DEAF1: variants seen among roughly 807,000 people sequenced by gnomAD.
DEAF1 encodes the protein deformed epidermal autoregulatory factor 1 homolog.
A neutral mutation model predicts 58.9 loss-of-function variants in DEAF1; 53 were observed. The ratio of observed to expected loss-of-function variants is 0.90; its 90% confidence interval spans 0.72 to 1.13. The LOEUF is 1.13. Among genes scored for constraint, DEAF1 ranks in the 50% most tolerant of loss-of-function variants. The pLI is 0.00. For missense variants in DEAF1, 685 were observed against 791.4 expected, an observed-to-expected ratio of 0.87 and a Z score of 1.61; for synonymous variants, 385 against 340.4, an observed-to-expected ratio of 1.13 and a Z score of -1.44.
At chr11:669,224 T>C (rs1363641404) in intron 10 of DEAF1, among the ~76,000 whole-genome samples, 1 of 150,652 alleles carries the variant, frequency 6.6e-6, no homozygotes, top group Non-Finnish European at 1.5e-5. Flanking sequence ...AGTGCTGGGA[T>C]TACAGGTGTG....
intron 5 of DEAF1, 95 bp downstream of exon 5, chr11:686,763 G>A: frequency 1.3e-6 from 2 of 1,554,504 alleles, no homozygotes; most frequent in Admixed American, 3.5e-5. Context: ...CCATTTGTCT[G>A]ACCCCGTGGT....
intron 10 of DEAF1, among the ~76,000 whole-genome samples, chr11:656,491 G>T (rs1859061470): frequency 6.6e-6 from 1 of 152,242 alleles, no homozygotes; most frequent in African/African-American, 2.4e-5. Context: ...TGTAACCACA[G>T]AGAAGCTTCT....
intron 6 of DEAF1, among the ~76,000 whole-genome samples, chr11:682,430 T>C (rs971791761): frequency 1.3e-5 from 2 of 152,264 alleles, no homozygotes; most frequent in Non-Finnish European, 2.9e-5. Flanking sequence ...ATGGAACTGC[T>C]GGCCTCCTCT....
In DEAF1 at chr11:688,098, C is replaced by T. The variant is rs750483319; in HGVS notation, c.518-41G>A. 48 of 1,612,690 alleles carry T rather than the reference C, an allele frequency of 3.0e-5. No homozygotes were observed. Among genetic ancestry groups the T allele is most frequent in the African/African-American group, 1.1e-4 (8 of 75,004 alleles). ...TGTTTGAAGGTGAGAGGCCGGACACCGGGAAGCATAGTACACTCTCATCTC... is the reference window on the plus strand; with the variant it reads ...TGTTTGAAGGTGAGAGGCCGGACACTGGGAAGCATAGTACACTCTCATCTC... On this transcript the variant is annotated intron_variant, in intron 3 of 11. Coordinates refer to ENST00000382409, the MANE Select transcript of DEAF1 (RefSeq NM_021008.4). This position sits in a 1 kb window ranked among gnomAD's most constrained non-coding sequence, Gnocchi z 4.3.
In DEAF1 at chr11:644,541, G is replaced by C; in HGVS notation, c.*9C>G. On this transcript the variant is annotated 3_prime_UTR_variant, in exon 12 of 12. Coordinates refer to ENST00000382409, the MANE Select transcript of DEAF1 (RefSeq NM_021008.4). The surrounding 1 kb of genome is among the most constrained non-coding windows in gnomAD (Gnocchi z 4.3). Reference sequence around the variant, plus strand: ...AGGGGCCCCAGCTCCCAGGGCGGCCGATGGAGCCTCACACGGTCACCTTCT... The same window carrying C: ...AGGGGCCCCAGCTCCCAGGGCGGCCCATGGAGCCTCACACGGTCACCTTCT... 1.2e-6 allele frequency: 2 copies of C among 1,610,474 alleles called. No homozygotes were observed. Among genetic ancestry groups the C allele is most frequent in the East Asian group, 2.2e-5 (1 of 44,830 alleles).
rs377159785 is a variant in DEAF1, at chr11:662,731, T to A, written c.1504-8680A>T. ...TCATCTCACCAGAACACAACGGCCTTGCTCCTGCCTGGGTGCTGTACCATG... is the reference window on the plus strand; with the variant it reads ...TCATCTCACCAGAACACAACGGCCTAGCTCCTGCCTGGGTGCTGTACCATG... On this transcript the variant is annotated intron_variant, in intron 10 of 11. Coordinates refer to ENST00000382409, the MANE Select transcript of DEAF1 (RefSeq NM_021008.4). 5.9e-5 allele frequency among the ~76,000 whole-genome samples: 9 copies of A among 152,318 alleles called. No individual in the cohort carries two copies. In the East Asian group the frequency reaches 1.5e-3, roughly 26 times the overall value.
chr11:654,800 C>T (rs1414140699), intron 10 of DEAF1: 2 of 373,586 alleles, frequency 5.4e-6, no homozygotes, highest in South Asian at 1.9e-5. Flanking sequence ...ACCCAGGAGG[C>T]GGAGGTTGCA....
At chr11:645,056 G>T (rs547272066) in intron 11 of DEAF1, among the ~76,000 whole-genome samples, 1 of 151,566 alleles carries the variant, frequency 6.6e-6, no homozygotes, top group Non-Finnish European at 1.5e-5. Flanking sequence ...CCAGCTACTC[G>T]GGAAGCTGAG....
chr11:700,591 T>A, intron 1 of DEAF1: 1 of 1,602,706 alleles, frequency 6.2e-7, no homozygotes, highest in East Asian at 2.2e-5. Flanking sequence ...TTACTTATGT[T>A]CCGTCCGCGC....
chr11:656,748 G>C (rs1438543815), intron 10 of DEAF1, among the ~76,000 whole-genome samples: 1 of 152,240 alleles, frequency 6.6e-6, no homozygotes, highest in Admixed American at 6.5e-5. Flanking sequence ...CATAGTTCCT[G>C]GAGGACAGCA....
intron 6 of DEAF1, among the ~76,000 whole-genome samples, chr11:683,510 G>C (rs193248932): frequency 2.0e-5 from 3 of 152,062 alleles, no homozygotes; most frequent in Admixed American, 6.6e-5. Context: ...TCACGAGCCC[G>C]TAAGTCTTAA....
chr11:687,966 C>A lies in DEAF1; in HGVS notation c.609G>T (p.Leu203=), dbSNP rs1206906872. The A allele has an allele frequency of 1.9e-6, 3 of 1,613,998 alleles. No homozygotes were observed. Among genetic ancestry groups the A allele is most frequent in the African/African-American group, 2.7e-5 (2 of 74,918 alleles). ...CGCTGATGTTCCGGCACCGTACGGGCAGCTCACTGTCGTACACAGAAGGGT... is the reference window on the plus strand; with the variant it reads ...CGCTGATGTTCCGGCACCGTACGGGAAGCTCACTGTCGTACACAGAAGGGT... ...NWDPSVYDSE[L]PVRCRNISGT... is the part of the protein sequence containing the mutation. Residue 203 remains leucine, a synonymous_variant, in exon 4 of 12, where the codon CTG becomes CTT. Transcript: ENST00000382409.
intron 1 of DEAF1, chr11:701,222 C>T (rs1234413577): frequency 5.8e-6 from 1 of 172,996 alleles, no homozygotes; most frequent in African/African-American, 2.4e-5. Context: ...CTCTGTTGCC[C>T]AGGCTGGAGT....
At chr11:678,327 C>T (rs1005536203) in intron 9 of DEAF1, 5 of 279,904 alleles carry the variant, frequency 1.8e-5, no homozygotes, top group East Asian at 1.8e-4. Flanking sequence ...CACCAGATAC[C>T]GAATGTCTAT....
At chr11:654,160 ACCCC>A (rs56079259) in intron 10 of DEAF1, 109 bp from the exon 11 acceptor site, 6 of 558,376 alleles carry the variant, frequency 1.1e-5, no homozygotes, top group East Asian at 3.6e-5. Flanking sequence ...CCCCCATTGG[ACCCC>A]CTTTTTTTTT....
intron 11 of DEAF1, chr11:651,450 C>T: frequency 9.9e-6 from 3 of 303,922 alleles, no homozygotes; most frequent in Non-Finnish European, 1.3e-5. Context: ...AAATAAAAAA[C>T]TTATTGAGAC....
intron 10 of DEAF1, among the ~76,000 whole-genome samples, chr11:658,592 G>A (rs555122014): frequency 1.3e-5 from 2 of 152,248 alleles, no homozygotes; most frequent in African/African-American, 2.4e-5. Context: ...TGGCACAAAG[G>A]GCAGAAGTGC....
At chr11:667,166 C>A (rs1234322380) in intron 10 of DEAF1, among the ~76,000 whole-genome samples, 3 of 152,084 alleles carry the variant, frequency 2.0e-5, no homozygotes, top group South Asian at 2.1e-4. Flanking sequence ...GAAACCCCAG[C>A]TAAAAATTGG....
At chr11:667,809 A>G (rs1859623620) in intron 10 of DEAF1, among the ~76,000 whole-genome samples, 1 of 148,418 alleles carries the variant, frequency 6.7e-6, no homozygotes, top group African/African-American at 2.5e-5. Flanking sequence ...CTTTGTCTCA[A>G]AAAATAATAA....
Sources: gnomAD v4.1 joint callset for allele counts (sites outside exome capture counted in the v4.1 genomes callset) on GRCh38, gnomAD v4.1.1 for gene constraint, Gnocchi (gnomAD v3.1) non-coding constraint, MANE v1.5 for transcripts, NCBI Gene and HGNC (gene_info 2026-07-23, HGNC 2026-07-21) for gene names.